The following PARD3B variants were observed in gnomAD, a reference collection of about 807,000 sequenced individuals.
The protein encoded by PARD3B is partitioning defective 3 homolog B.
PARD3B carries 103 observed loss-of-function variants against 130.2 expected under a neutral mutation model. The ratio of observed to expected loss-of-function variants is 0.79; its 90% confidence interval spans 0.67 to 0.93. PARD3B has a LOEUF of 0.93. Ranked by LOEUF, PARD3B falls within the 40% of genes least tolerant of loss-of-function variation. The pLI is 0.00. For synonymous variants in PARD3B, 583 were observed against 553.2 expected (o/e 1.05, Z -0.76); for missense variants, 1,609 against 1,499.2 (o/e 1.07, Z -1.21).
chr2:204,721,051 C>A (rs2038973147), intron 2 of PARD3B, among the ~76,000 whole-genome samples: 1 of 152,120 alleles, frequency 6.6e-6, no homozygotes, highest in Admixed American at 6.6e-5. Context: ...GAATCAGAAT[C>A]TGTGGTCATA....
intron 2 of PARD3B, among the ~76,000 whole-genome samples, chr2:204,857,790 T>G (rs1183626471): frequency 1.3e-5 from 2 of 152,122 alleles, no homozygotes; most frequent in African/African-American, 4.8e-5. Context: ...ATAGCCTGCT[T>G]CAGGGGACAA....
rs1276001879 is a variant in PARD3B at position 205,265,399 on chromosome 2, C to T, written c.2185+19577C>T. ...TTACTTTTGAAATTAATGTGAAGGG[C>T]TCTGTAGCTTCTTTTTCTTCCTTGG... On this transcript the variant is annotated intron_variant, in intron 16 of 22. Coordinates refer to ENST00000406610, the MANE Select transcript of PARD3B (RefSeq NM_001302769.2). The surrounding 1 kb of genome is among the most constrained non-coding windows in gnomAD (Gnocchi z 4.3). 1.3e-5 allele frequency among the ~76,000 whole-genome samples: 2 copies of T among 151,890 alleles called. No homozygotes were observed. The highest frequency in any genetic ancestry group is 1.3e-4 in the Admixed American group (2 of 15,216).
intron 21 of PARD3B, among the ~76,000 whole-genome samples, chr2:205,544,471 A>C (rs2052300149): frequency 6.6e-6 from 1 of 152,114 alleles, no homozygotes; most frequent in African/African-American, 2.4e-5. Context: ...ATACACACAC[A>C]AAGTGCATCT....
chr2:204,922,052 A>G (rs1308519956), intron 2 of PARD3B, among the ~76,000 whole-genome samples: 1 of 152,080 alleles, frequency 6.6e-6, no homozygotes, highest in East Asian at 1.9e-4. Context: ...AAGTGAGAAG[A>G]CCAGCAGAAG....
At chr2:205,593,281 C>T (rs575706730) in intron 22 of PARD3B, among the ~76,000 whole-genome samples, 7 of 152,258 alleles carry the variant, frequency 4.6e-5, no homozygotes, top group African/African-American at 1.4e-4. Context: ...TATTTTTCCC[C>T]ACCTTGATTG....
At chr2:205,215,438 G>C (rs751577557) in intron 15 of PARD3B, among the ~76,000 whole-genome samples, 5 of 151,864 alleles carry the variant, frequency 3.3e-5, no homozygotes, top group African/African-American at 4.8e-5. Context: ...GAAAATACTT[G>C]ACAAAAGATT....
chr2:204,750,354 A>C (rs2040411755), intron 2 of PARD3B, among the ~76,000 whole-genome samples: 1 of 152,146 alleles, frequency 6.6e-6, no homozygotes, highest in Non-Finnish European at 1.5e-5. Context: ...AGGCCAAGGC[A>C]GGCAGATCAC....
chr2:205,132,551 C>A (rs2032098892), intron 10 of PARD3B, among the ~76,000 whole-genome samples: 1 of 152,096 alleles, frequency 6.6e-6, no homozygotes, highest in Non-Finnish European at 1.5e-5. Flanking sequence ...TTCCTTGAAC[C>A]CCCAAGTCTA....
At chr2:204,722,164 A>G (rs2039027215) in intron 2 of PARD3B, among the ~76,000 whole-genome samples, 1 of 152,218 alleles carries the variant, frequency 6.6e-6, no homozygotes, top group Admixed American at 6.5e-5. Flanking sequence ...CCATTTTACA[A>G]ACAAAAGAGA....
At chr2:204,723,876 C>A (rs2039105322) in intron 2 of PARD3B, among the ~76,000 whole-genome samples, 1 of 152,076 alleles carries the variant, frequency 6.6e-6, no homozygotes, top group Non-Finnish European at 1.5e-5. Context: ...ACTTATATAA[C>A]CTGAAAGTAA....
intron 13 of PARD3B, among the ~76,000 whole-genome samples, chr2:205,182,030 C>T (rs949116176): frequency 5.3e-5 from 8 of 152,148 alleles, no homozygotes; most frequent in Middle Eastern, 3.2e-3. Context: ...TGGTGGCTTA[C>T]GCCTGTAATC....
chr2:205,419,124 G>T (rs1574972739), intron 19 of PARD3B, among the ~76,000 whole-genome samples: 1 of 152,030 alleles, frequency 6.6e-6, no homozygotes, highest in South Asian at 2.1e-4. Flanking sequence ...ATCTTGAATT[G>T]CAGCTCCCAC....
intron 4 of PARD3B, among the ~76,000 whole-genome samples, chr2:205,079,015 C>A (rs1247400264): frequency 6.6e-6 from 1 of 152,192 alleles, no homozygotes; most frequent in African/African-American, 2.4e-5. Flanking sequence ...GTGAGAGACC[C>A]CAAGCGAGGG....
chr2:205,408,565 C>T (rs936393729), intron 19 of PARD3B, among the ~76,000 whole-genome samples: 3 of 152,112 alleles, frequency 2.0e-5, no homozygotes, highest in Admixed American at 2.0e-4. Context: ...ACATATAACG[C>T]TCCTAAATAT....
intron 2 of PARD3B, among the ~76,000 whole-genome samples, chr2:204,914,743 T>A (rs905650151): frequency 1.3e-5 from 2 of 151,746 alleles, no homozygotes; most frequent in East Asian, 3.9e-4. Context: ...AGAAAAGAAA[T>A]AAAGGGAGGT....
intron 11 of PARD3B, among the ~76,000 whole-genome samples, chr2:205,168,629 T>A (rs2034967887): frequency 6.6e-6 from 1 of 151,960 alleles, no homozygotes; most frequent in African/African-American, 2.4e-5. Flanking sequence ...GACGTGCATG[T>A]ATGGATGTCT....
rs1000443140 is a variant in PARD3B, at chr2:205,335,519, G to A, written c.2630+33818G>A. Reference sequence around the variant, plus strand: ...GTAGGAAGAGCTTTGGCACCAAGAGGCAAGAGATATATGTTTTAAACGTGG... The same window carrying A: ...GTAGGAAGAGCTTTGGCACCAAGAGACAAGAGATATATGTTTTAAACGTGG... On this transcript the variant is annotated intron_variant, in intron 18 of 22. Transcript: ENST00000406610. Among the ~76,000 whole-genome samples the A allele has an allele frequency of 3.3e-5, 5 of 152,290 alleles. No homozygotes were observed. The East Asian group carries it at 9.6e-4, about 29-fold the overall frequency.
chr2:204,549,286 G>C (rs935778442), intron 1 of PARD3B, among the ~76,000 whole-genome samples: 2 of 152,118 alleles, frequency 1.3e-5, no homozygotes, highest in East Asian at 3.8e-4. Flanking sequence ...GCTTATCTCC[G>C]AATCCTGACA....
chr2:204,876,885 G>A (rs2045864935), intron 2 of PARD3B, among the ~76,000 whole-genome samples: 1 of 152,136 alleles, frequency 6.6e-6, no homozygotes, highest in African/African-American at 2.4e-5. Flanking sequence ...TTAAACTGAA[G>A]TACAGTGGAC....
Sources: gnomAD v4.1 joint callset for allele counts (sites outside exome capture counted in the v4.1 genomes callset) on GRCh38, gnomAD v4.1.1 for gene constraint, Gnocchi (gnomAD v3.1) non-coding constraint, MANE v1.5 for transcripts, NCBI Gene and HGNC (gene_info 2026-07-23, HGNC 2026-07-21) for gene names.